The following MDN1 variants were observed in gnomAD, a reference collection of about 807,000 sequenced individuals.
MDN1 encodes the protein midasin.
In MDN1, 266 loss-of-function variants were observed where a neutral mutation model predicts 669.2. That is an observed-to-expected ratio of 0.40 (90% CI 0.36 to 0.44). MDN1 has a LOEUF of 0.44. Among genes scored for constraint, MDN1 ranks in the 20% least tolerant of loss-of-function variants. The probability of loss-of-function intolerance (pLI) is 1.00; values close to 1 mark genes in which losing one functional copy is unlikely to be tolerated. For synonymous variants in MDN1, 2,385 were observed against 2,457.1 expected (o/e 0.97, Z 0.87); for missense variants, 5,940 against 6,754.0 (o/e 0.88, Z 4.22).
At chr6:89,679,282 C>A (rs566286175) in intron 74 of MDN1, among the ~76,000 whole-genome samples, 1 of 152,264 alleles carries the variant, frequency 6.6e-6, no homozygotes, top group South Asian at 2.1e-4. Flanking sequence ...ATGTGGTGAA[C>A]GAGTAGATGA....
chr6:89,795,949 C>T (rs374245814), intron 2 of MDN1, among the ~76,000 whole-genome samples: 6 of 151,826 alleles, frequency 4.0e-5, no homozygotes, highest in African/African-American at 9.7e-5. Flanking sequence ...AGTGAGATTC[C>T]GTCTCAAAAC....
chr6:89,760,114 C>T (rs576222162), intron 17 of MDN1, among the ~76,000 whole-genome samples: 2 of 152,260 alleles, frequency 1.3e-5, no homozygotes, highest in South Asian at 2.1e-4. Flanking sequence ...AAATTTTCCA[C>T]ACCCATAATG....
In MDN1 at chr6:89,790,249, A is replaced by C; in HGVS notation, c.1008T>G (p.Thr336=). The change falls in exon 6 of 102, where the codon ACT becomes ACG. Residue 336 remains threonine (T), a synonymous_variant. Coordinates refer to ENST00000369393, the MANE Select transcript of MDN1 (RefSeq NM_014611.3). Reference sequence around the variant, plus strand: ...CTGCAGCTAAATATTCAACTAAGGAAGTTTTGCCACATCCTATTGGTCCTT... The same window carrying C: ...CTGCAGCTAAATATTCAACTAAGGACGTTTTGCCACATCCTATTGGTCCTT... The part of the protein sequence containing the change: ...LLEGPIGCGK[T]SLVEYLAAVT... 6.2e-7 allele frequency: 1 copy of C among 1,614,164 alleles called. No individual in the cohort carries two copies.
rs773924698 is a variant in MDN1 at position 89,789,859 on chromosome 6, T to C, written c.1151A>G (p.Gln384Arg). 1.2e-6 allele frequency: 2 copies of C among 1,614,102 alleles called. No homozygotes were observed. Among genetic ancestry groups the C allele is most frequent in the African/African-American group, 1.3e-5 (1 of 75,040 alleles). ...CTDVPGEFVW[Q>R]PGTLTQAATM... ...GGCTGCCTGTGTCAGGGTGCCAGGC[T>C]GCCACACAAACTCTCCAGGAACATC... is the stretch of plus-strand genomic sequence containing the variant. The change falls in exon 7 of 102, where the codon CAG becomes CGG. Residue 384 changes from glutamine (Q) to arginine (R), a missense_variant. By Grantham distance (43) the Gln-to-Arg change is conservative. Coordinates refer to ENST00000369393, the MANE Select transcript of MDN1 (RefSeq NM_014611.3).
At chr6:89,661,599 C>G (rs750357431) in intron 87 of MDN1, 21 bp from the exon 88 acceptor site, 1 of 1,589,154 alleles carries the variant, frequency 6.3e-7, no homozygotes, top group Non-Finnish European at 8.5e-7. Context: ...ATGGAGACAA[C>G]AGGGATAAAA....
intron 7 of MDN1, 50 bp from the exon 8 acceptor site, chr6:89,788,007 G>A (rs878933586): frequency 1.4e-6 from 2 of 1,465,550 alleles, no homozygotes; most frequent in Admixed American, 1.8e-5. Context: ...TATTAAGACA[G>A]AAATAATCAA....
In MDN1 at chr6:89,730,747, G is replaced by T. The variant is rs756993025; in HGVS notation, c.5119C>A (p.His1707Asn). The T allele has an allele frequency of 3.1e-6, 5 of 1,612,926 alleles. No homozygotes were observed. In the East Asian group the frequency reaches 1.1e-4, roughly 36 times the overall value. The change falls in exon 35 of 102, where the codon CAT (histidine) becomes AAT (asparagine). Residue 1707 changes from histidine to asparagine, a missense_variant. By Grantham distance (68) the His-to-Asn change is moderately conservative. Around this residue, in one of 5 missense-constraint regions of MDN1, gnomAD observed 2,292 missense variants for 2,638.3 expected, o/e 0.87. Transcript: ENST00000369393. ...TTACCCCTTGGTATAAAAAATGGAT[G>T]AATTCCCCAAAGGTTATCTATTCCA... ...FTGIDNLWGI[H>N]PFFIPRGPVL... is the part of the protein sequence containing the mutation.
At chr6:89,714,797 T>A in intron 45 of MDN1, 46 bp from the exon 46 acceptor site, 3 of 1,520,402 alleles carry the variant, frequency 2.0e-6, no homozygotes, top group Non-Finnish European at 2.7e-6. Flanking sequence ...TAAATCCCAG[T>A]GCAACCAAAG....
rs1436830357 is a variant in MDN1, at chr6:89,643,084, A to G, written c.*921T>C. The G allele has an allele frequency of 1.3e-5, 2 of 152,246 alleles. No homozygotes were observed. The highest frequency in any genetic ancestry group is 6.5e-5 in the Admixed American group (1 of 15,290). The allele number at this position is 152,246 out of a possible 1,614,324, so 9.4% of individuals were successfully genotyped here. On this transcript the variant is annotated 3_prime_UTR_variant, in exon 102 of 102. Coordinates refer to ENST00000369393, the MANE Select transcript of MDN1 (RefSeq NM_014611.3). ...CTTTCTGGCCAAGTAAAAACTGCCT[A>G]AAGATCAGTTTCTTTCGACTGGAAA...
chr6:89,800,424 T>C (rs1767561040), intron 2 of MDN1, among the ~76,000 whole-genome samples: 1 of 151,790 alleles, frequency 6.6e-6, no homozygotes, highest in African/African-American at 2.4e-5. Context: ...CGAAACTCCA[T>C]CTCAAAAAAA....
At chr6:89,752,690 T>C (rs1047121932) in intron 22 of MDN1, among the ~76,000 whole-genome samples, 3 of 152,140 alleles carry the variant, frequency 2.0e-5, no homozygotes, top group Non-Finnish European at 4.4e-5. Flanking sequence ...AACTGTGTAG[T>C]TAAACTATGC....
In MDN1 at chr6:89,789,806, C is replaced by T. The variant is rs1484322469; in HGVS notation, c.1204G>A (p.Asp402Asn). 6.2e-7 allele frequency: 1 copy of T among 1,613,632 alleles called. No homozygotes were observed. The highest frequency in any genetic ancestry group is 2.2e-5 in the East Asian group (1 of 44,864). Residue 402 changes from aspartate (D) to asparagine (N), a missense_variant, in exon 7 of 102, where the codon GAT becomes AAT. Around this residue, in one of 5 missense-constraint regions of MDN1, gnomAD observed 1,203 missense variants for 1,268.9 expected, o/e 0.95. Transcript: ENST00000369393. ...ATMGHWILLE[D>N]IDYAPLDVVS... ...ACGTCTAAGGGGGCATAGTCAATATCCTCCAGAAGGATCCAGTGGCCCATT... is the reference window on the plus strand; with the variant it reads ...ACGTCTAAGGGGGCATAGTCAATATTCTCCAGAAGGATCCAGTGGCCCATT...
rs1472963227 is a variant in MDN1, at chr6:89,712,184, A to G, written c.7503T>C (p.Asn2501=). 3.1e-6 allele frequency: 5 copies of G among 1,614,092 alleles called. No individual in the cohort carries two copies. The highest frequency in any genetic ancestry group is 4.2e-6 in the Non-Finnish European group (5 of 1,180,028). ...QSPSPENLKF[N]AVEVNTYWID... ...TCCAGTAAGTATTCACTTCGACTGCATTGAATTTCAGGTTCTCAGGGCTGG... is the reference window on the plus strand; with the variant it reads ...TCCAGTAAGTATTCACTTCGACTGCGTTGAATTTCAGGTTCTCAGGGCTGG... The change falls in exon 49 of 102, where the codon AAT becomes AAC. Residue 2501 remains asparagine, a synonymous_variant. Transcript: ENST00000369393.
At chr6:89,769,744 G>A (rs1487016068) in intron 15 of MDN1, among the ~76,000 whole-genome samples, 4 of 152,132 alleles carry the variant, frequency 2.6e-5, no homozygotes, top group East Asian at 1.9e-4. Flanking sequence ...CAACCTTTTC[G>A]TGTCATCAAT....
Position 89,648,320 on chromosome 6 carries a change from C to T in MDN1, c.16216G>A (p.Glu5406Lys), listed in dbSNP as rs1033406256. 6 of 1,613,822 alleles carry T rather than the reference C, an allele frequency of 3.7e-6. No individual in the cohort carries two copies. In the African/African-American group the frequency reaches 8.0e-5, roughly 22 times the overall value. Reference sequence around the variant, plus strand: ...GCATTTCCAATCACAGCCAAAGATTCAAATGCAAGCTGTGAATTAGAAAGT... The same window carrying T: ...GCATTTCCAATCACAGCCAAAGATTTAAATGCAAGCTGTGAATTAGAAAGT... ...VDNHTKQLAF[E>K]SLAVIGNALT... The change falls in exon 98 of 102, where the codon GAA (glutamate) becomes AAA (lysine). Residue 5406 changes from glutamate to lysine, a missense_variant. Coordinates refer to ENST00000369393, the MANE Select transcript of MDN1 (RefSeq NM_014611.3).
rs759198776 is a variant in MDN1 at position 89,819,772 on chromosome 6, A to G, written c.-165T>C. The G allele has an allele frequency of 4.9e-6, 3 of 613,946 alleles. No homozygotes were observed. The highest frequency in any genetic ancestry group is 5.8e-6 in the Non-Finnish European group (2 of 345,588). 38.0% of individuals were successfully genotyped at this position (613,946 alleles called of 1,614,324 possible). A position where few individuals can be genotyped will look rare whatever the true frequency, so the allele number is the denominator to read the frequency against. On this transcript the variant is annotated 5_prime_UTR_variant, in exon 1 of 102. Coordinates refer to ENST00000369393, the MANE Select transcript of MDN1 (RefSeq NM_014611.3). ...GGGAGAGGGGCACCACACGTGGGTG[A>G]GCACACGGCGTTTGACGTCATCAGC...
chr6:89,803,369 C>T lies in MDN1; in HGVS notation c.288G>A (p.Val96=), dbSNP rs1446829631. 1 of 1,614,168 alleles carries T rather than the reference C, an allele frequency of 6.2e-7. No individual in the cohort carries two copies. The highest frequency in any genetic ancestry group is 1.7e-5 in the Admixed American group (1 of 60,002). ...GGTTACCAATGAGTTTGCTCATCGA[C>T]ACACATAGCCGTTCATGCAGATCAT... ...INHDLHERLC[V]SMSKLIGNHP... Residue 96 remains valine, a synonymous_variant, in exon 2 of 102, where the codon GTG becomes GTA. Transcript: ENST00000369393.
At chr6:89,791,026 A>G (rs2128326595) in intron 5 of MDN1, among the ~76,000 whole-genome samples, 1 of 152,306 alleles carries the variant, frequency 6.6e-6, no homozygotes, top group South Asian at 2.1e-4. Context: ...CCGCCTCAAA[A>G]TAAATAAATA....
rs557842564 is a variant in MDN1 at position 89,789,939 on chromosome 6, G to A, written c.1099-28C>T. On this transcript the variant is annotated intron_variant, in intron 6 of 101. Coordinates refer to ENST00000369393, the MANE Select transcript of MDN1 (RefSeq NM_014611.3). ...GCAGAAAGAAGATAAAGTAATTACT[G>A]AAAAACCATACCTGTAGTGGCAATG... 38 of 1,605,440 alleles carry A rather than the reference G, an allele frequency of 2.4e-5. No homozygotes were observed. The South Asian group carries it at 4.2e-4, about 18-fold the overall frequency.
Sources: allele counts gnomAD v4.1 joint callset (sites outside exome capture counted in the v4.1 genomes callset), GRCh38; gene constraint gnomAD v4.1.1; regional missense constraint gnomAD v4.1.1; transcripts MANE v1.5; gene names NCBI Gene and HGNC (gene_info 2026-07-23, HGNC 2026-07-21).